Variants in RSF1 observed in about 807,000 individuals in gnomAD.
The protein encoded by RSF1 is remodeling and spacing factor 1.
In RSF1, 13 loss-of-function variants were observed where a neutral mutation model predicts 145.2. The ratio of observed to expected loss-of-function variants is 0.09; its 90% confidence interval spans 0.06 to 0.14. The LOEUF (loss-of-function observed/expected upper bound fraction) is 0.14. Among genes scored for constraint, RSF1 ranks in the 10% least tolerant of loss-of-function variants. RSF1 has a pLI of 1.00. For synonymous variants in RSF1, 577 were observed against 592.6 expected (o/e 0.97, Z 0.38); for missense variants, 1,517 against 1,718.2 (o/e 0.88, Z 2.07).
intron 1 of RSF1, among the ~76,000 whole-genome samples, chr11:77,775,877 ATCC>A (rs1948337339): frequency 6.6e-6 from 1 of 152,150 alleles, no homozygotes; most frequent in African/African-American, 2.4e-5. Context: ...GGCTCAAGCA[ATCC>A]TCCTACTCAG....
chr11:77,837,561 G>A, the RSF1 span, among the ~76,000 whole-genome samples: 5 of 151,644 alleles, frequency 3.3e-5, no homozygotes, highest in South Asian at 2.1e-4. Context: ...TCAGCATCCC[G>A]GGTAGATAGG....
chr11:77,810,698 T>C (rs937312158), intron 1 of RSF1, among the ~76,000 whole-genome samples: 1 of 152,126 alleles, frequency 6.6e-6, no homozygotes, highest in Admixed American at 6.6e-5. Flanking sequence ...GTAGCTGGGA[T>C]TACAGGTGTA....
chr11:77,682,068 G>A (rs1959876891), intron 11 of RSF1, among the ~76,000 whole-genome samples: 1 of 152,112 alleles, frequency 6.6e-6, no homozygotes, highest in South Asian at 2.1e-4. Context: ...TTATGTTGCA[G>A]CAGAACTGAC....
intron 1 of RSF1, among the ~76,000 whole-genome samples, chr11:77,777,318 G>A (rs1473223589): frequency 6.6e-6 from 1 of 152,134 alleles, no homozygotes; most frequent in Non-Finnish European, 1.5e-5. Context: ...CCCGCCAGGC[G>A]AGGTGGCTCA....
At chr11:77,717,752 C>T (rs999551972) in intron 5 of RSF1, 6 of 152,160 alleles carry the variant, frequency 3.9e-5, no homozygotes, top group East Asian at 1.9e-4. Context: ...CCCTAGATAA[C>T]GATACAGGGA....
Position 77,662,726 on chromosome 11 carries a change from G to A in RSF1, c.*4191C>T, listed in dbSNP as rs1456844895. 1 of 152,152 alleles carries A rather than the reference G, an allele frequency of 6.6e-6. No homozygotes were observed. Among genetic ancestry groups the A allele is most frequent in the African/African-American group, 2.4e-5 (1 of 41,442 alleles). 9.4% of individuals were successfully genotyped at this position (152,152 alleles called of 1,614,324 possible). On this transcript the variant is annotated 3_prime_UTR_variant, in exon 16 of 16. Transcript: ENST00000308488. ...ACAGGCACACACTTTGGGAAAGGTA[G>A]ATGATATAGGAATGGATTTTAATCT...
chr11:77,765,212 T>C (rs1438683598), intron 1 of RSF1, among the ~76,000 whole-genome samples: 1 of 152,132 alleles, frequency 6.6e-6, no homozygotes, highest in Non-Finnish European at 1.5e-5. Context: ...TAACAAATAT[T>C]TGGTTCCTTT....
intron 11 of RSF1, among the ~76,000 whole-genome samples, 178 bp downstream of exon 11, chr11:77,683,532 C>T (rs73506750): frequency 0.036 from 5,383 of 149,050 alleles, 318 homozygotes; most frequent in African/African-American, 0.12. Context: ...GAGCGAGACT[C>T]AGTCTCAAAA....
chr11:77,693,273 A>G (rs1960202090), intron 8 of RSF1, among the ~76,000 whole-genome samples: 1 of 152,244 alleles, frequency 6.6e-6, no homozygotes, highest in Non-Finnish European at 1.5e-5. Context: ...AACAAATACA[A>G]GAAAAAAATC....
chr11:77,698,802 AGAG>A (rs927393108), intron 6 of RSF1, 109 bp from the exon 7 acceptor site: 7 of 870,474 alleles, frequency 8.0e-6, no homozygotes, highest in African/African-American at 3.4e-5. Context: ...TACCAAAAAA[AGAG>A]GAGAAAATTA....
chr11:77,812,220 C>T (rs914905532), intron 1 of RSF1, among the ~76,000 whole-genome samples: 24 of 151,974 alleles, frequency 1.6e-4, no homozygotes, highest in Admixed American at 1.3e-4. Flanking sequence ...ATTCAATTTT[C>T]CTTTTAAAAA....
At chr11:77,729,747 C>T (rs1961151140) in intron 4 of RSF1, among the ~76,000 whole-genome samples, 1 of 151,718 alleles carries the variant, frequency 6.6e-6, no homozygotes, top group Non-Finnish European at 1.5e-5. Context: ...ACAAAAACTC[C>T]TTAACAAATG....
At chr11:77,679,245 T>C (rs1959793256) in intron 11 of RSF1, among the ~76,000 whole-genome samples, 1 of 152,258 alleles carries the variant, frequency 6.6e-6, no homozygotes. Flanking sequence ...TAAAAACCAC[T>C]TTGAGGTCAC....
At chr11:77,821,263 G>A (rs1213234435), upstream of RSF1, 3 of 225,392 alleles carry the variant, frequency 1.3e-5, no homozygotes, top group Admixed American at 1.7e-4. Flanking sequence ...GGGGAATCCT[G>A]AAACTGGGCC....
intron 4 of RSF1, among the ~76,000 whole-genome samples, chr11:77,732,020 T>C (rs1223651218): frequency 1.3e-5 from 2 of 152,186 alleles, no homozygotes; most frequent in Non-Finnish European, 2.9e-5. Flanking sequence ...GATCCACTGA[T>C]AGCTTGCACC....
intron 9 of RSF1, among the ~76,000 whole-genome samples, chr11:77,687,156 T>C (rs146025249): frequency 2.1e-3 from 314 of 152,336 alleles, no homozygotes; most frequent in Non-Finnish European, 3.7e-3. Context: ...CTAAGATTCA[T>C]ATACATGTGT....
chr11:77,670,076 T>C (rs2135808625), intron 15 of RSF1, among the ~76,000 whole-genome samples: 1 of 152,314 alleles, frequency 6.6e-6, no homozygotes, highest in South Asian at 2.1e-4. Context: ...TGGTGAGCTG[T>C]GATTGTGCCA....
chr11:77,769,084 G>A (rs1189194726), intron 1 of RSF1, among the ~76,000 whole-genome samples: 1 of 152,106 alleles, frequency 6.6e-6, no homozygotes, highest in East Asian at 1.9e-4. Flanking sequence ...TTGAGATGGA[G>A]TCTCGCTCTG....
rs975717799 is a variant in RSF1 at position 77,735,032 on chromosome 11, C to T, written c.578+5699G>A. On this transcript the variant is annotated intron_variant, in intron 4 of 15. Transcript: ENST00000308488. ...GAGGTGGACGTGGTCCTCATGGCGG[C>T]GACTAAGGAGAGGTGGCGGCGGTGG... 4.7e-5 allele frequency: 71 copies of T among 1,497,056 alleles called. 1 individual carries two copies. The South Asian group carries it at 6.6e-4, about 14-fold the overall frequency. 92.7% of individuals were successfully genotyped at this position (1,497,056 alleles called of 1,614,324 possible). A position where few individuals can be genotyped will look rare whatever the true frequency, so the allele number is the denominator to read the frequency against.
Sources: gnomAD v4.1 joint callset for allele counts (sites outside exome capture counted in the v4.1 genomes callset) on GRCh38, gnomAD v4.1.1 for gene constraint, MANE v1.5 for transcripts, NCBI Gene and HGNC (gene_info 2026-07-23, HGNC 2026-07-21) for gene names.